The following MYO3B variants were observed in gnomAD, a reference collection of about 807,000 sequenced individuals.
MYO3B encodes the protein myosin IIIB, also known as myosin-IIIb.
A neutral mutation model predicts 174.6 loss-of-function variants in MYO3B; 156 were observed. The ratio of observed to expected loss-of-function variants is 0.89; its 90% CI spans 0.78 to 1.02. The LOEUF is 1.02. Ranked by LOEUF, MYO3B falls within the 50% of genes least tolerant of loss-of-function variation. MYO3B has a pLI of 0.00. For missense variants in MYO3B, 1,632 were observed against 1,639.4 expected, an observed-to-expected ratio of 1.00 and a Z score of 0.08; for synonymous variants, 563 against 569.1, an observed-to-expected ratio of 0.99 and a Z score of 0.15.
chr2:170,295,884 A>G (rs2093625715), intron 7 of MYO3B, among the ~76,000 whole-genome samples: 1 of 152,158 alleles, frequency 6.6e-6, no homozygotes, highest in African/African-American at 2.4e-5. Context: ...ATGTTATTCC[A>G]TAAAGTGCTG....
At chr2:170,314,245 C>T (rs899785338) in intron 7 of MYO3B, among the ~76,000 whole-genome samples, 5 of 152,132 alleles carry the variant, frequency 3.3e-5, no homozygotes, top group Non-Finnish European at 5.9e-5. Flanking sequence ...GCCTATTTTC[C>T]TGTATGAGGG....
In MYO3B at chr2:170,200,194, C is replaced by G; in HGVS notation, c.231C>G (p.Phe77Leu). Residue 77 changes from phenylalanine (F) to leucine (L), a missense_variant, in exon 3 of 35, where the codon TTC becomes TTG. Transcript: ENST00000408978. ...AGGCAGAATACAACATTTTGCAGTT[C>G]CTTCCTAATCATCCCAATGTTGTAA... ...EIEAEYNILQFLPNHPNVVKF... is the reference protein window; with the variant it reads ...EIEAEYNILQLLPNHPNVVKF... 6.2e-7 allele frequency: 1 copy of G among 1,613,354 alleles called. No homozygotes were observed.
At chr2:170,511,301 C>T (rs1341481634) in intron 28 of MYO3B, among the ~76,000 whole-genome samples, 1 of 151,588 alleles carries the variant, frequency 6.6e-6, no homozygotes, top group Non-Finnish European at 1.5e-5. Context: ...CTCCTGACCT[C>T]GTGATCCGCC....
chr2:170,551,942 G>A (rs967200049), intron 32 of MYO3B, among the ~76,000 whole-genome samples: 1 of 152,124 alleles, frequency 6.6e-6, no homozygotes, highest in Non-Finnish European at 1.5e-5. Flanking sequence ...CTGCTGCCAT[G>A]TGAAGATGTG....
At chr2:170,457,388 A>G (rs1375990174) in intron 23 of MYO3B, among the ~76,000 whole-genome samples, 1 of 152,078 alleles carries the variant, frequency 6.6e-6, no homozygotes, top group Non-Finnish European at 1.5e-5. Context: ...TTTTTGTAAT[A>G]ACACTTAGCT....
At chr2:170,638,831 A>T (rs1212131511) in intron 32 of MYO3B, among the ~76,000 whole-genome samples, 1 of 152,218 alleles carries the variant, frequency 6.6e-6, no homozygotes, top group Non-Finnish European at 1.5e-5. Context: ...CATTTTACAC[A>T]TAAAACATGG....
At chr2:170,270,223 T>C (rs1011837188) in intron 7 of MYO3B, among the ~76,000 whole-genome samples, 1 of 152,190 alleles carries the variant, frequency 6.6e-6, no homozygotes, top group Non-Finnish European at 1.5e-5. Flanking sequence ...TATATTTATA[T>C]ATTACTTGTG....
intron 32 of MYO3B, among the ~76,000 whole-genome samples, chr2:170,641,797 G>C (rs1203263370): frequency 1.7e-5 from 2 of 116,804 alleles, no homozygotes; most frequent in Admixed American, 1.3e-4. Flanking sequence ...AACTCTAAAA[G>C]AAACATACTA....
chr2:170,540,405 A>G (rs1690012118), intron 30 of MYO3B, among the ~76,000 whole-genome samples: 1 of 152,162 alleles, frequency 6.6e-6, no homozygotes, highest in Non-Finnish European at 1.5e-5. Context: ...TATCCATGCA[A>G]TAAGCATTGG....
intron 32 of MYO3B, among the ~76,000 whole-genome samples, chr2:170,550,824 G>A (rs1019950742): frequency 6.6e-6 from 1 of 152,172 alleles, no homozygotes; most frequent in African/African-American, 2.4e-5. Flanking sequence ...CAGGAAGAGG[G>A]TGGGAGTGTT....
At chr2:170,435,767 CG>C (rs1353829993) in intron 22 of MYO3B, among the ~76,000 whole-genome samples, 1 of 152,182 alleles carries the variant, frequency 6.6e-6, no homozygotes, top group East Asian at 1.9e-4. Flanking sequence ...AAATTAAAAT[CG>C]GAAAATTTCT....
At chr2:170,443,838 A>C (rs978607852) in intron 22 of MYO3B, 129 bp from the exon 23 acceptor site, 1 of 492,282 alleles carries the variant, frequency 2.0e-6, no homozygotes, top group Admixed American at 4.2e-5. Context: ...AAATTTTCCA[A>C]ATTTTAAAAA....
At chr2:170,369,685 ATTTT>A (rs56283055) in intron 9 of MYO3B, among the ~76,000 whole-genome samples, 31 of 147,310 alleles carry the variant, frequency 2.1e-4, no homozygotes, top group Non-Finnish European at 1.9e-4. Flanking sequence ...AGAAATTTGG[ATTTT>A]TTTTTTTTTT....
At chr2:170,267,402 T>C (rs531111085) in intron 7 of MYO3B, among the ~76,000 whole-genome samples, 1 of 152,348 alleles carries the variant, frequency 6.6e-6, no homozygotes, top group East Asian at 1.9e-4. Flanking sequence ...AGGCTGGGAA[T>C]ATAATCTAGT....
At chr2:170,256,515 G>A (rs1324326520) in intron 7 of MYO3B, among the ~76,000 whole-genome samples, 4 of 152,076 alleles carry the variant, frequency 2.6e-5, no homozygotes, top group African/African-American at 7.2e-5. Context: ...TTCTAACCAA[G>A]AATTTCATAT....
intron 32 of MYO3B, among the ~76,000 whole-genome samples, chr2:170,619,546 CG>C (rs1187933537): frequency 4.6e-5 from 7 of 151,870 alleles, no homozygotes; most frequent in African/African-American, 1.7e-4. Flanking sequence ...AGTTTGGGGA[CG>C]AGGGTTGGGG....
chr2:170,638,928 C>T (rs1697744832), intron 32 of MYO3B, among the ~76,000 whole-genome samples: 2 of 152,128 alleles, frequency 1.3e-5, no homozygotes, highest in Admixed American at 6.6e-5. Flanking sequence ...TCTGATCCCC[C>T]ATGTCCAGTG....
chr2:170,509,758 G>A (rs2106110881), intron 28 of MYO3B, among the ~76,000 whole-genome samples: 1 of 150,846 alleles, frequency 6.6e-6, no homozygotes, highest in African/African-American at 2.4e-5. Flanking sequence ...CCCTGCTTCT[G>A]TAAAGCCAGA....
intron 8 of MYO3B, among the ~76,000 whole-genome samples, chr2:170,361,470 G>A (rs531071836): frequency 2.0e-5 from 3 of 152,272 alleles, no homozygotes; most frequent in South Asian, 4.2e-4. Context: ...CTTAATTCTC[G>A]GACACAAAAT....
Sources: gnomAD v4.1 joint callset for allele counts (sites outside exome capture counted in the v4.1 genomes callset) on GRCh38, gnomAD v4.1.1 for gene constraint, MANE v1.5 for transcripts, NCBI Gene and HGNC (gene_info 2026-07-23, HGNC 2026-07-21) for gene names.